The following CYP4X1 variants were observed in gnomAD, a reference collection of about 807,000 sequenced individuals.
The protein encoded by CYP4X1 is cytochrome P450 family 4 subfamily X member 1, also known as cytochrome P450 4X1.
Under a neutral mutation model 57.9 loss-of-function variants are expected in CYP4X1, and 44 were observed. The ratio of observed to expected loss-of-function variants is 0.76; its 90% CI spans 0.60 to 0.98. CYP4X1 has a LOEUF of 0.98. Ranked by LOEUF, CYP4X1 falls within the 50% of genes least tolerant of loss-of-function variation. The pLI, the probability that CYP4X1 is intolerant of heterozygous loss-of-function variation, is 0.00. For missense variants in CYP4X1, 532 were observed against 623.9 expected (o/e 0.85, Z 1.57); for synonymous variants, 227 against 228.6 (o/e 0.99, Z 0.06).
At chr1:46,992,249 G>A in the CYP4X1 span, among the ~76,000 whole-genome samples, 1 of 152,256 alleles carries the variant, frequency 6.6e-6, no homozygotes, top group Non-Finnish European at 1.5e-5. Context: ...CCGGGAGGCA[G>A]AGGTTGAAGA....
rs1553151567 is a variant in CYP4X1 at position 47,023,961 on chromosome 1, G to A, written c.144G>A (p.Ala48=). Residue 48 remains alanine, a synonymous_variant, in exon 1 of 12, where the codon GCG becomes GCA. Transcript: ENST00000371901. ...RLLRDLRPFP[A]PPTHWFLGHQ... is the part of the protein sequence containing the mutation. ...TGCGGGACCTGCGCCCCTTCCCAGC[G>A]CCCCCCACCCACTGGTTCCTTGGGC... is the stretch of plus-strand genomic sequence containing the variant. 1.2e-6 allele frequency: 2 copies of A among 1,612,982 alleles called. No individual in the cohort carries two copies. The highest frequency in any genetic ancestry group is 1.1e-5 in the South Asian group (1 of 90,996).
chr1:46,996,967 A>C, the CYP4X1 span, among the ~76,000 whole-genome samples: 1 of 152,166 alleles, frequency 6.6e-6, no homozygotes, highest in African/African-American at 2.4e-5. Context: ...GTTTAGGCAA[A>C]ACAAAGGCTG....
downstream of CYP4X1, among the ~76,000 whole-genome samples, chr1:47,051,153 G>A (rs1444924019): frequency 2.6e-5 from 4 of 152,164 alleles, no homozygotes; most frequent in East Asian, 7.7e-4. Context: ...CTGGCCATCA[G>A]AGAAATGCAA....
At chr1:46,995,033 G>A in the CYP4X1 span, among the ~76,000 whole-genome samples, 2 of 152,144 alleles carry the variant, frequency 1.3e-5, no homozygotes. Flanking sequence ...TGTCCCAGGT[G>A]CCTCTGAAAT....
chr1:47,007,383 A>C, the CYP4X1 span, among the ~76,000 whole-genome samples: 1 of 152,238 alleles, frequency 6.6e-6, no homozygotes, highest in East Asian at 1.9e-4. Flanking sequence ...GTTAGAAGGA[A>C]AACCAACAAA....
In CYP4X1 at chr1:47,026,905, C is replaced by T. The variant is rs555916287; in HGVS notation, c.177+2911C>T. Among the ~76,000 whole-genome samples, 13 of 150,626 alleles carry T rather than the reference C, an allele frequency of 8.6e-5. No homozygotes were observed. The South Asian group carries it at 1.9e-3, about 22-fold the overall frequency. ...CTAATTTTTGTATTTTCAGTAGAGA[C>T]GGGGTTTCACCATATTGGCCAGGCT... is the stretch of plus-strand genomic sequence containing the variant. On this transcript the variant is annotated intron_variant, in intron 1 of 11. Coordinates refer to ENST00000371901, the MANE Select transcript of CYP4X1 (RefSeq NM_178033.2).
rs1390036048 is a variant in CYP4X1 at position 47,030,132 on chromosome 1, G to A, written c.319+1G>A. ...GCAAAGACACTTCTGAGCAGAACAGGTAAGAAGAGGGGGAAAGCTCTGGGA... is the reference window on the plus strand; with the variant it reads ...GCAAAGACACTTCTGAGCAGAACAGATAAGAAGAGGGGGAAAGCTCTGGGA... On this transcript the variant is annotated splice_donor_variant, in intron 2 of 11. Transcript: ENST00000371901. LOFTEE classifies it high-confidence loss of function. The A allele has an allele frequency of 1.2e-6, 2 of 1,609,688 alleles. No individual in the cohort carries two copies. Among genetic ancestry groups the A allele is most frequent in the South Asian group, 1.1e-5 (1 of 90,528 alleles).
chr1:46,974,970 C>T, the CYP4X1 span, among the ~76,000 whole-genome samples: 11 of 151,954 alleles, frequency 7.2e-5, no homozygotes, highest in Admixed American at 6.6e-4. Flanking sequence ...ATGAGGTATA[C>T]AAGATGTTTT....
chr1:47,015,523 T>C, the CYP4X1 span, among the ~76,000 whole-genome samples: 7 of 152,234 alleles, frequency 4.6e-5, no homozygotes, highest in Non-Finnish European at 1.0e-4. Flanking sequence ...CTTTCTCTTA[T>C]GCTTATGTGC....
upstream of CYP4X1, among the ~76,000 whole-genome samples, chr1:47,020,313 C>T (rs1163361042): frequency 6.6e-6 from 1 of 152,200 alleles, no homozygotes; most frequent in Non-Finnish European, 1.5e-5. Context: ...TTGTTCAAGG[C>T]CACATCTCCA....
At chr1:47,039,732 AT>A (rs774958400) in intron 8 of CYP4X1, 200 bp downstream of exon 8, 60 of 400,100 alleles carry the variant, frequency 1.5e-4, no homozygotes, top group Non-Finnish European at 2.4e-4. Context: ...AAGTTTATTT[AT>A]CCATAAATTG....
chr1:46,993,178 C>T, the CYP4X1 span, among the ~76,000 whole-genome samples: 24 of 147,774 alleles, frequency 1.6e-4, no homozygotes, highest in Non-Finnish European at 2.7e-4. Context: ...TGAGAACATG[C>T]GGTGTTTGGT....
chr1:47,046,293 C>T (rs927877017), intron 8 of CYP4X1, among the ~76,000 whole-genome samples, 174 bp from the exon 9 acceptor site: 1 of 152,148 alleles, frequency 6.6e-6, no homozygotes, highest in Admixed American at 6.5e-5. Flanking sequence ...GTTCCTCTGC[C>T]TCTGGGACCT....
At chr1:47,025,415 C>T (rs1439760166) in intron 1 of CYP4X1, among the ~76,000 whole-genome samples, 1 of 152,196 alleles carries the variant, frequency 6.6e-6, no homozygotes, top group Non-Finnish European at 1.5e-5. Flanking sequence ...TATTCCTTTA[C>T]AGCAACACAA....
At chr1:47,001,136 G>A in the CYP4X1 span, 1 of 219,116 alleles carries the variant, frequency 4.6e-6, no homozygotes, top group Non-Finnish European at 1.0e-5. Context: ...ATTTTGTACT[G>A]GACAGGCTCT....
chr1:47,036,746 A>G (rs1644187909), intron 6 of CYP4X1, among the ~76,000 whole-genome samples: 1 of 152,106 alleles, frequency 6.6e-6, no homozygotes, highest in Admixed American at 6.6e-5. Context: ...TAAGTTACTT[A>G]CTGCTTTGTT....
chr1:46,989,057 T>C, the CYP4X1 span, among the ~76,000 whole-genome samples: 4 of 151,980 alleles, frequency 2.6e-5, no homozygotes, highest in Admixed American at 2.0e-4. Context: ...AGAGCAATCA[T>C]GCAAAAGAAA....
the CYP4X1 span, among the ~76,000 whole-genome samples, chr1:46,974,233 GT>G: frequency 3.9e-5 from 6 of 152,168 alleles, no homozygotes; most frequent in Admixed American, 3.3e-4. Flanking sequence ...GGTTTTGAGA[GT>G]TTTTTTGGTA....
At chr1:47,032,907 G>C (rs17102978) in intron 3 of CYP4X1, among the ~76,000 whole-genome samples, 11,917 of 152,190 alleles carry the variant, frequency 0.078, 552 homozygotes, top group East Asian at 0.22. Context: ...ATTGAGAAAA[G>C]TAAACCTCAG....
Sources: allele counts gnomAD v4.1 joint callset (sites outside exome capture counted in the v4.1 genomes callset), GRCh38; gene constraint gnomAD v4.1.1; transcripts MANE v1.5; gene names NCBI Gene and HGNC (gene_info 2026-07-23, HGNC 2026-07-21).